ATG7: variants seen among roughly 807,000 people sequenced by gnomAD.
The protein encoded by ATG7 is autophagy related 7, also known as ubiquitin-like modifier-activating enzyme ATG7.
ATG7 carries 70 observed loss-of-function variants against 82.4 expected under a neutral mutation model. That is an observed-to-expected ratio of 0.85 (90% CI 0.70 to 1.04). ATG7 has a LOEUF of 1.04. ATG7 is among the 50% of genes least tolerant of loss of function. The pLI, the probability that ATG7 is intolerant of heterozygous loss-of-function variation, is 0.00. For missense variants in ATG7, 792 were observed against 864.3 expected, an observed-to-expected ratio of 0.92 and a Z score of 1.05; for synonymous variants, 287 against 313.0, an observed-to-expected ratio of 0.92 and a Z score of 0.88.
intron 15 of ATG7, among the ~76,000 whole-genome samples, chr3:11,359,436 A>G (rs2076146595): frequency 6.6e-6 from 1 of 152,184 alleles, no homozygotes; most frequent in African/African-American, 2.4e-5. Flanking sequence ...TGGGCTGGAC[A>G]TGGTGGCTCA....
At chr3:11,458,746 TTC>T (rs1009190089) in intron 20 of ATG7, among the ~76,000 whole-genome samples, 5 of 152,198 alleles carry the variant, frequency 3.3e-5, no homozygotes, top group African/African-American at 1.2e-4. Flanking sequence ...AACAAGATAA[TTC>T]TCTGTCTTTG....
At chr3:11,471,866 T>A (rs2153016789) in intron 20 of ATG7, among the ~76,000 whole-genome samples, 1 of 150,704 alleles carries the variant, frequency 6.6e-6, no homozygotes, top group South Asian at 2.1e-4. Context: ...GCCTCCTGAG[T>A]AGCTGGGATT....
At chr3:11,500,449 C>T (rs1031432382) in intron 20 of ATG7, among the ~76,000 whole-genome samples, 2 of 105,794 alleles carry the variant, frequency 1.9e-5, no homozygotes, top group South Asian at 3.0e-4. Flanking sequence ...CTATGCAATA[C>T]AACTAAAAAA....
chr3:11,353,041 G>A (rs1200368830), intron 14 of ATG7, among the ~76,000 whole-genome samples: 2 of 152,206 alleles, frequency 1.3e-5, no homozygotes, highest in Non-Finnish European at 2.9e-5. Context: ...CTAATTTGGG[G>A]TATTCCTTAC....
the ATG7 span, among the ~76,000 whole-genome samples, chr3:11,566,766 C>A: frequency 1.3e-5 from 2 of 152,152 alleles, no homozygotes; most frequent in African/African-American, 4.8e-5. Flanking sequence ...AGAATCCATC[C>A]CCCACCGTCA....
chr3:11,519,539 G>GTTTTTGT (rs2092377331), intron 20 of ATG7, among the ~76,000 whole-genome samples: 4 of 62,210 alleles, frequency 6.4e-5, no homozygotes, highest in African/African-American at 1.0e-4. Flanking sequence ...AGTGAGAGGA[G>GTTTTTGT]TTTTTTTTTT....
At chr3:11,328,353 T>C (rs1559403481) in intron 9 of ATG7, among the ~76,000 whole-genome samples, 1 of 152,224 alleles carries the variant, frequency 6.6e-6, no homozygotes, top group African/African-American at 2.4e-5. Context: ...TAAGCTCTGT[T>C]TTTAAAAGTG....
At chr3:11,417,560 T>A (rs1374398275) in intron 19 of ATG7, among the ~76,000 whole-genome samples, 1 of 152,070 alleles carries the variant, frequency 6.6e-6, no homozygotes, top group Non-Finnish European at 1.5e-5. Context: ...AATGTCTTTA[T>A]TTAAATTGAT....
chr3:11,335,555 C>T (rs1952313907), intron 11 of ATG7, among the ~76,000 whole-genome samples: 1 of 152,218 alleles, frequency 6.6e-6, no homozygotes, highest in Non-Finnish European at 1.5e-5. Context: ...GACAAGCTGC[C>T]AGGCACCTTC....
intron 3 of ATG7, among the ~76,000 whole-genome samples, chr3:11,289,732 A>G (rs1411780900): frequency 6.6e-6 from 1 of 151,912 alleles, no homozygotes; most frequent in East Asian, 1.9e-4. Context: ...AAATTTTAAA[A>G]CTTTTTTTGT....
the ATG7 span, chr3:11,564,688 A>AC: frequency 7.5e-7 from 1 of 1,328,042 alleles, no homozygotes; most frequent in Admixed American, 2.2e-5. Flanking sequence ...CTCCCTCACC[A>AC]CCTCCCTCCC....
At chr3:11,506,247 A>G (rs752518459) in intron 20 of ATG7, among the ~76,000 whole-genome samples, 16 of 152,218 alleles carry the variant, frequency 1.1e-4, no homozygotes, top group Non-Finnish European at 2.4e-4. Flanking sequence ...TTGTTTCTCC[A>G]TGTAACAGTC....
chr3:11,438,326 G>A (rs2083552541), intron 20 of ATG7, among the ~76,000 whole-genome samples: 2 of 152,216 alleles, frequency 1.3e-5, no homozygotes, highest in Non-Finnish European at 2.9e-5. Context: ...ATGGGACTAT[G>A]AAGGCTATTT....
intron 19 of ATG7, among the ~76,000 whole-genome samples, chr3:11,390,347 G>A (rs1018773853): frequency 2.6e-5 from 4 of 152,352 alleles, no homozygotes; most frequent in South Asian, 4.1e-4. Flanking sequence ...GTGTCTCCCA[G>A]CTCTATTGGA....
chr3:11,558,391 A>G, downstream of ATG7: 1 of 1,169,234 alleles, frequency 8.6e-7, no homozygotes, highest in Admixed American at 2.8e-5. Flanking sequence ...GATACCAAGC[A>G]AGTACAAAAA....
chr3:11,471,883 G>A (rs1449325478), intron 20 of ATG7, among the ~76,000 whole-genome samples: 4 of 151,160 alleles, frequency 2.6e-5, no homozygotes, highest in East Asian at 3.9e-4. Context: ...GATTATAGGC[G>A]TGTGTCACCA....
chr3:11,425,767 A>G (rs1041943455), intron 19 of ATG7, among the ~76,000 whole-genome samples: 1 of 152,174 alleles, frequency 6.6e-6, no homozygotes, highest in Non-Finnish European at 1.5e-5. Context: ...TGCTTAGATA[A>G]ATAAATTATT....
At chr3:11,285,534 T>C (rs1034763353) in intron 3 of ATG7, among the ~76,000 whole-genome samples, 1 of 152,140 alleles carries the variant, frequency 6.6e-6, no homozygotes, top group Non-Finnish European at 1.5e-5. Flanking sequence ...AATGTTTAGC[T>C]TGTGGCTTTT....
intron 8 of ATG7, among the ~76,000 whole-genome samples, chr3:11,313,703 G>A (rs906009774): frequency 1.3e-5 from 2 of 152,184 alleles, no homozygotes; most frequent in Admixed American, 1.3e-4. Flanking sequence ...CTCAGGCTCA[G>A]GTGATCCTCT....
Sources: gnomAD v4.1 joint callset for allele counts (sites outside exome capture counted in the v4.1 genomes callset) on GRCh38, gnomAD v4.1.1 for gene constraint, MANE v1.5 for transcripts, NCBI Gene and HGNC (gene_info 2026-07-23, HGNC 2026-07-21) for gene names.